BMPR1B: variants seen among roughly 807,000 people sequenced by gnomAD.
The protein encoded by BMPR1B is bone morphogenetic protein receptor type-1B.
A neutral mutation model predicts 59.1 loss-of-function variants in BMPR1B; 12 were observed. The ratio of observed to expected loss-of-function variants is 0.20; its 90% CI spans 0.13 to 0.33. The LOEUF (loss-of-function observed/expected upper bound fraction) is 0.33, where lower values mean the gene tolerates loss of function less well. Among genes scored for constraint, BMPR1B ranks in the 10% least tolerant of loss-of-function variants. The probability of loss-of-function intolerance (pLI) is 1.00; values close to 1 mark genes in which losing one functional copy is unlikely to be tolerated. For synonymous variants in BMPR1B, 237 were observed against 207.3 expected, an observed-to-expected ratio of 1.14 and a Z score of -1.23; for missense variants, 550 against 610.9, an observed-to-expected ratio of 0.90 and a Z score of 1.05.
intron 2 of BMPR1B, among the ~76,000 whole-genome samples, chr4:94,968,351 G>T (rs3839109): frequency 0.19 from 8,422 of 45,180 alleles, 367 homozygotes; most frequent in African/African-American, 0.38. Context: ...AGTTTTTTTT[G>T]TTGTTGTTGT....
At chr4:95,150,109 A>G (rs1734933908) in intron 11 of BMPR1B, among the ~76,000 whole-genome samples, 1 of 152,250 alleles carries the variant, frequency 6.6e-6, no homozygotes, top group Non-Finnish European at 1.5e-5. Flanking sequence ...TCAGTGGCAC[A>G]GTGCCTTCTA....
chr4:94,944,253 A>G (rs1285117390), intron 2 of BMPR1B, among the ~76,000 whole-genome samples: 1 of 152,178 alleles, frequency 6.6e-6, no homozygotes, highest in Non-Finnish European at 1.5e-5. Context: ...AACCTATAGT[A>G]GGAAATATTT....
chr4:94,927,199 C>T (rs1003847215), intron 2 of BMPR1B, among the ~76,000 whole-genome samples: 13 of 152,094 alleles, frequency 8.5e-5, no homozygotes, highest in South Asian at 4.1e-4. Flanking sequence ...GCTTCAAACT[C>T]GTGCTAACAT....
intron 2 of BMPR1B, among the ~76,000 whole-genome samples, chr4:94,924,275 G>A (rs1273165995): frequency 6.6e-6 from 1 of 152,086 alleles, no homozygotes; most frequent in African/African-American, 2.4e-5. Flanking sequence ...TTGCCCTTAA[G>A]TTTCTAAGCA....
At chr4:95,118,672 G>A (rs901024472) in intron 6 of BMPR1B, among the ~76,000 whole-genome samples, 4 of 152,180 alleles carry the variant, frequency 2.6e-5, no homozygotes, top group Non-Finnish European at 5.9e-5. Context: ...TGTGGGCTCT[G>A]CTCTTTTCCT....
At chr4:95,084,829 A>G (rs1362926136) in intron 3 of BMPR1B, among the ~76,000 whole-genome samples, 1 of 152,158 alleles carries the variant, frequency 6.6e-6, no homozygotes, top group African/African-American at 2.4e-5. Context: ...TGTGTTTACA[A>G]CCTGAGTCTT....
chr4:95,124,680 A>G (rs1732776280), intron 7 of BMPR1B, among the ~76,000 whole-genome samples: 1 of 152,064 alleles, frequency 6.6e-6, no homozygotes, highest in African/African-American at 2.4e-5. Context: ...CTATTTAGAA[A>G]CACTAGTAGA....
At chr4:95,124,883 G>A (rs1329637735) in intron 7 of BMPR1B, 100 bp from the exon 8 acceptor site, 1 of 1,091,332 alleles carries the variant, frequency 9.2e-7, no homozygotes, top group Non-Finnish European at 1.4e-6. Flanking sequence ...TTATATTTAG[G>A]TGCTAAAATA....
At chr4:94,963,244 A>G (rs1730439050) in intron 2 of BMPR1B, among the ~76,000 whole-genome samples, 1 of 152,026 alleles carries the variant, frequency 6.6e-6, no homozygotes, top group Non-Finnish European at 1.5e-5. Flanking sequence ...CTGGTTATTA[A>G]TCCCTTGTCA....
chr4:94,850,726 G>A (rs1322261696), intron 1 of BMPR1B, among the ~76,000 whole-genome samples: 1 of 152,122 alleles, frequency 6.6e-6, no homozygotes, highest in African/African-American at 2.4e-5. Flanking sequence ...TCCAAGGCTG[G>A]ATCCTACTAC....
At chr4:94,966,777 A>G (rs1197208747) in intron 2 of BMPR1B, among the ~76,000 whole-genome samples, 2 of 152,194 alleles carry the variant, frequency 1.3e-5, no homozygotes, top group South Asian at 2.1e-4. Context: ...AATTTAAACT[A>G]CATCAGAGTT....
chr4:95,123,687 T>G (rs976165957), intron 6 of BMPR1B, 123 bp from the exon 7 acceptor site: 2 of 755,258 alleles, frequency 2.6e-6, no homozygotes, highest in Admixed American at 4.9e-5. Context: ...TTAATTGGTA[T>G]GTGAAAAGGA....
chr4:94,935,652 G>C (rs1034423210), intron 2 of BMPR1B, among the ~76,000 whole-genome samples: 1 of 152,228 alleles, frequency 6.6e-6, no homozygotes, highest in Admixed American at 6.5e-5. Flanking sequence ...ATGGCTTTCA[G>C]AGAGGTAATC....
At chr4:95,152,453 G>A (rs1735112982) in intron 11 of BMPR1B, among the ~76,000 whole-genome samples, 190 bp from the exon 12 acceptor site, 1 of 152,036 alleles carries the variant, frequency 6.6e-6, no homozygotes, top group Non-Finnish European at 1.5e-5. Flanking sequence ...ATTGGGCTTT[G>A]TATTCATTTT....
At chr4:95,093,154 ATGT>A in intron 3 of BMPR1B, among the ~76,000 whole-genome samples, 1 of 152,206 alleles carries the variant, frequency 6.6e-6, no homozygotes, top group East Asian at 1.9e-4. Flanking sequence ...CTTCAGTTTG[ATGT>A]TGCATATTTT....
intron 2 of BMPR1B, among the ~76,000 whole-genome samples, chr4:94,974,947 C>G (rs1208463782): frequency 6.6e-6 from 1 of 152,176 alleles, no homozygotes; most frequent in Non-Finnish European, 1.5e-5. Flanking sequence ...TTATTGCATT[C>G]TGTTTTCTCA....
At chr4:94,772,894 G>T (rs1032277338) in intron 1 of BMPR1B, among the ~76,000 whole-genome samples, 1 of 152,012 alleles carries the variant, frequency 6.6e-6, no homozygotes, top group Non-Finnish European at 1.5e-5. Flanking sequence ...TTAAATCATT[G>T]AATGACCCTT....
In BMPR1B at chr4:94,836,578, A is replaced by G. The variant is rs372654181; in HGVS notation, c.-182-39253A>G. Among the ~76,000 whole-genome samples, 20 of 146,296 alleles carry G rather than the reference A, an allele frequency of 1.4e-4. 1 individual carries two copies. The highest frequency in any genetic ancestry group is 5.8e-4 in the East Asian group (3 of 5,168). Reference sequence around the variant, plus strand: ...CTTCTTTTGAGAAGTGTCTGTTCATATCCTTTGCCCACTTTTTGATGGGAT... The same window carrying G: ...CTTCTTTTGAGAAGTGTCTGTTCATGTCCTTTGCCCACTTTTTGATGGGAT... On this transcript the variant is annotated intron_variant, in intron 1 of 12. Transcript: ENST00000515059.
chr4:94,841,024 G>A (rs1176422068), intron 1 of BMPR1B, among the ~76,000 whole-genome samples: 1 of 147,454 alleles, frequency 6.8e-6, no homozygotes, highest in African/African-American at 2.5e-5. Flanking sequence ...ACCCTGCCGT[G>A]TGAGGTGTCA....
Sources: allele counts gnomAD v4.1 joint callset (sites outside exome capture counted in the v4.1 genomes callset), GRCh38; gene constraint gnomAD v4.1.1; transcripts MANE v1.5; gene names NCBI Gene and HGNC (gene_info 2026-07-23, HGNC 2026-07-21).